Variants in CNTNAP2 observed in about 807,000 individuals in gnomAD.
The protein encoded by CNTNAP2 is contactin associated protein 2, also known as contactin-associated protein-like 2.
A neutral mutation model predicts 155.2 loss-of-function variants in CNTNAP2; 98 were observed. The observed-to-expected ratio is 0.63, with a 90% CI of 0.54 to 0.75. The LOEUF is 0.75. CNTNAP2 is among the 30% of genes least tolerant of loss of function. The pLI, the probability that CNTNAP2 is intolerant of heterozygous loss-of-function variation, is 0.00. For missense variants in CNTNAP2, 1,727 were observed against 1,688.1 expected (o/e 1.02, Z -0.40); for synonymous variants, 651 against 631.2 (o/e 1.03, Z -0.47).
At chr7:147,661,397 GT>G in intron 13 of CNTNAP2, among the ~76,000 whole-genome samples, 1 of 152,238 alleles carries the variant, frequency 6.6e-6, no homozygotes, top group Non-Finnish European at 1.5e-5. Context: ...GCCACAGTCT[GT>G]GCTGTCTAAC....
intron 8 of CNTNAP2, among the ~76,000 whole-genome samples, chr7:147,264,963 C>T (rs1804573462): frequency 6.6e-6 from 1 of 151,968 alleles, no homozygotes; most frequent in Non-Finnish European, 1.5e-5. Flanking sequence ...CATATTAAGC[C>T]TTCTGCGAAG....
rs149655952 is a variant in CNTNAP2 at position 147,575,371 on chromosome 7, GGTGTGTGTGTGT to G, written c.1897+13137_1897+13148del. 6.8e-3 allele frequency among the ~76,000 whole-genome samples: 648 copies of G among 95,914 alleles called. 7 individuals carry two copies. Among genetic ancestry groups the G allele is most frequent in the African/African-American group, 0.022 (607 of 27,450 alleles). The allele number at this position is 95,914 out of a possible 152,430, so 62.9% of individuals were successfully genotyped here. On this transcript the variant is annotated intron_variant, in intron 12 of 23. Transcript: ENST00000361727. The stretch of plus-strand genomic sequence containing the variant: ...TGTGTGTGTATTCCCTAGCTTTAGG[GGTGTGTGTGTGT>G]GTGTGTGTGTGTGTGTGTGTGTATT...
intron 13 of CNTNAP2, among the ~76,000 whole-genome samples, chr7:147,699,339 C>G (rs1796204377): frequency 6.6e-6 from 1 of 151,552 alleles, no homozygotes; most frequent in African/African-American, 2.4e-5. Flanking sequence ...TCTCAGCAAA[C>G]TAACACAGGA....
intron 13 of CNTNAP2, among the ~76,000 whole-genome samples, chr7:147,837,472 C>T (rs1798652338): frequency 6.6e-6 from 1 of 152,022 alleles, no homozygotes; most frequent in African/African-American, 2.4e-5. Context: ...CATTCTGCCC[C>T]AGCCCCTCCC....
At chr7:146,773,151 T>C (rs746236772) in intron 1 of CNTNAP2, among the ~76,000 whole-genome samples, 1 of 152,028 alleles carries the variant, frequency 6.6e-6, no homozygotes, top group East Asian at 1.9e-4. Context: ...CACTTAGGCG[T>C]TGGCAAAATG....
At chr7:147,203,846 T>A (rs920630584) in intron 8 of CNTNAP2, among the ~76,000 whole-genome samples, 1 of 152,084 alleles carries the variant, frequency 6.6e-6, no homozygotes, top group African/African-American at 2.4e-5. Context: ...TACTACTAAT[T>A]GTACCAGCTA....
intron 1 of CNTNAP2, among the ~76,000 whole-genome samples, chr7:146,267,618 C>T (rs1170415971): frequency 6.6e-6 from 1 of 152,136 alleles, no homozygotes; most frequent in Non-Finnish European, 1.5e-5. Context: ...GGCCTTTTCA[C>T]CACGTGAGGA....
intron 12 of CNTNAP2, among the ~76,000 whole-genome samples, chr7:147,589,821 G>T (rs1322738567): frequency 3.9e-5 from 6 of 152,066 alleles, no homozygotes; most frequent in Non-Finnish European, 5.9e-5. Context: ...GAATTTCTTG[G>T]TATAACACTA....
intron 1 of CNTNAP2, among the ~76,000 whole-genome samples, chr7:146,288,793 ATTTTTTTT>A (rs757136036): frequency 3.0e-5 from 3 of 100,016 alleles, no homozygotes; most frequent in African/African-American, 1.1e-4. Flanking sequence ...AAAATTAGTA[ATTTTTTTT>A]TTTTTTTTTT....
At chr7:146,943,917 C>T (rs1318212438) in intron 3 of CNTNAP2, among the ~76,000 whole-genome samples, 7 of 152,058 alleles carry the variant, frequency 4.6e-5, no homozygotes, top group African/African-American at 7.2e-5. Context: ...ACCAGCTCAC[C>T]GCAATAGCAG....
chr7:147,727,205 C>A lies in CNTNAP2; in HGVS notation c.2098+87899C>A, dbSNP rs564318721. Among the ~76,000 whole-genome samples, 6 of 152,004 alleles carry A rather than the reference C, an allele frequency of 3.9e-5. No individual in the cohort carries two copies. The South Asian group carries it at 6.2e-4, about 16-fold the overall frequency. On this transcript the variant is annotated intron_variant, in intron 13 of 23. Transcript: ENST00000361727. ...ATTGGTGTGTAGGTAGGAACTGGAC[C>A]TTTCATCTCTGTCTTCCCAATGTCC...
chr7:147,303,370 G>A (rs1158358836), intron 9 of CNTNAP2, among the ~76,000 whole-genome samples: 1 of 152,200 alleles, frequency 6.6e-6, no homozygotes, highest in Non-Finnish European at 1.5e-5. Context: ...AAATCTAAGA[G>A]TCACCCCCTC....
intron 21 of CNTNAP2, among the ~76,000 whole-genome samples, chr7:148,364,878 G>A (rs1007467490): frequency 1.5e-4 from 23 of 152,088 alleles, no homozygotes; most frequent in Admixed American, 3.3e-4. Flanking sequence ...GCTACTGCTC[G>A]CCCTTTGGGT....
At chr7:147,520,471 T>TA (rs1799212476) in intron 11 of CNTNAP2, among the ~76,000 whole-genome samples, 1 of 152,204 alleles carries the variant, frequency 6.6e-6, no homozygotes, top group Non-Finnish European at 1.5e-5. Flanking sequence ...TCGCTGAGGT[T>TA]AGTGTCTCTC....
At chr7:147,151,729 C>A (rs1395840600) in intron 8 of CNTNAP2, among the ~76,000 whole-genome samples, 1 of 151,872 alleles carries the variant, frequency 6.6e-6, no homozygotes, top group African/African-American at 2.4e-5. Flanking sequence ...TTTTATTTAA[C>A]ATGTATTTGG....
intron 11 of CNTNAP2, among the ~76,000 whole-genome samples, chr7:147,504,203 T>C (rs77204003): frequency 0.011 from 1,674 of 152,224 alleles, 21 homozygotes; most frequent in Middle Eastern, 0.031. Flanking sequence ...AGCCCTGTCC[T>C]GTAGCTCCTG....
At chr7:148,187,343 T>A (rs1795135098) in intron 18 of CNTNAP2, among the ~76,000 whole-genome samples, 1 of 152,186 alleles carries the variant, frequency 6.6e-6, no homozygotes, top group South Asian at 2.1e-4. Context: ...TCTTCTGACA[T>A]GAGAGACCAC....
At chr7:147,667,890 C>G (rs2116961695) in intron 13 of CNTNAP2, among the ~76,000 whole-genome samples, 1 of 152,086 alleles carries the variant, frequency 6.6e-6, no homozygotes, top group Admixed American at 6.5e-5. Flanking sequence ...CACCAAGAAT[C>G]TTGCTTGGGC....
chr7:147,942,675 A>G (rs1459962602), intron 14 of CNTNAP2, among the ~76,000 whole-genome samples: 1 of 152,150 alleles, frequency 6.6e-6, no homozygotes. Flanking sequence ...CCTGTGTAGG[A>G]AAAAATACAG....
Sources: allele counts gnomAD v4.1 joint callset (sites outside exome capture counted in the v4.1 genomes callset), GRCh38; gene constraint gnomAD v4.1.1; transcripts MANE v1.5; gene names NCBI Gene and HGNC (gene_info 2026-07-23, HGNC 2026-07-21).